TMED3: variants seen among roughly 807,000 people sequenced by gnomAD.
TMED3 encodes transmembrane emp24 domain-containing protein 3.
A neutral mutation model predicts 15.0 loss-of-function variants in TMED3; 9 were observed. The ratio of observed to expected loss-of-function variants is 0.60; its 90% CI spans 0.36 to 1.04. The LOEUF (loss-of-function observed/expected upper bound fraction) is 1.04. Ranked by LOEUF, TMED3 falls within the 50% of genes least tolerant of loss-of-function variation. TMED3 has a pLI of 0.01. For missense variants in TMED3, 267 were observed against 278.9 expected (o/e 0.96, Z 0.30); for synonymous variants, 117 against 121.4 (o/e 0.96, Z 0.24).
chr15:79,362,992 A>G (rs981373099), intron 2 of TMED3, among the ~76,000 whole-genome samples: 3 of 152,202 alleles, frequency 2.0e-5, no homozygotes, highest in Non-Finnish European at 2.9e-5. Context: ...TCCAAGTTAC[A>G]GTATGAAAAT....
chr15:79,382,975 G>A (rs1170527353), intron 2 of TMED3: 20 of 1,535,432 alleles, frequency 1.3e-5, no homozygotes, highest in Non-Finnish European at 1.7e-5. Context: ...AAGGGTCCCA[G>A]TGCTTCACCA....
intron 2 of TMED3, among the ~76,000 whole-genome samples, chr15:79,341,202 A>AAT (rs1416969821): frequency 9.2e-6 from 1 of 108,858 alleles, no homozygotes; most frequent in Admixed American, 1.1e-4. Context: ...TCTCAAAAAA[A>AAT]AAAAAAAAAA....
chr15:79,401,094 C>A (rs1893827810), intron 2 of TMED3, among the ~76,000 whole-genome samples: 1 of 152,168 alleles, frequency 6.6e-6, no homozygotes, highest in African/African-American at 2.4e-5. Context: ...GGAGTGACTA[C>A]TATGCGCCTT....
intron 2 of TMED3, among the ~76,000 whole-genome samples, chr15:79,398,486 T>G (rs1265081740): frequency 6.6e-6 from 1 of 152,114 alleles, no homozygotes; most frequent in Non-Finnish European, 1.5e-5. Context: ...TGGTGTAGTT[T>G]GACGGCCTTA....
intron 2 of TMED3, among the ~76,000 whole-genome samples, chr15:79,314,901 G>C (rs1347050965): frequency 6.6e-6 from 1 of 152,194 alleles, no homozygotes; most frequent in African/African-American, 2.4e-5. Context: ...CTAGGACCCT[G>C]AATGATTTAC....
At chr15:79,407,698 G>A (rs7163247) in intron 2 of TMED3, among the ~76,000 whole-genome samples, 52,276 of 152,124 alleles carry the variant, frequency 0.34, 10,226 homozygotes, top group Middle Eastern at 0.51. Context: ...GCTGCTTTCA[G>A]ACTAAAACAA....
At position 79,313,823 on chromosome 15, in the gene TMED3, AG is replaced by A. The variant is rs754798898; in HGVS notation, c.236del (p.Arg79LysfsTer67). ...GGACCCCCAGGGGAACACCATCTACAGAGAAACGAAGAAGCAGTACGACAGC... is the reference window on the plus strand; with the variant it reads ...GGACCCCCAGGGGAACACCATCTACAAGAAACGAAGAAGCAGTACGACAGC... ...VEDPQGNTIY[R>X]ETKKQYDSFT... On this transcript the variant is annotated frameshift_variant, in exon 2 of 3. Coordinates refer to ENST00000299705, the MANE Select transcript of TMED3 (RefSeq NM_007364.4). LOFTEE classifies it high-confidence loss of function. 146 of 1,614,124 alleles carry A rather than the reference AG, an allele frequency of 9.0e-5. No individual in the cohort carries two copies. Among genetic ancestry groups the A allele is most frequent in the Non-Finnish European group, 8.8e-5 (104 of 1,180,044 alleles).
chr15:79,321,882 A>G (rs8037898), intron 2 of TMED3, 96 bp from the exon 3 acceptor site: 256,070 of 1,414,092 alleles, frequency 0.18, 28,718 homozygotes, highest in East Asian at 0.62. Flanking sequence ...CATTCAGTGG[A>G]TATCACCTAG....
chr15:79,377,628 A>G (rs75113157), intron 2 of TMED3, among the ~76,000 whole-genome samples: 285 of 151,596 alleles, frequency 1.9e-3, no homozygotes, highest in African/African-American at 6.4e-3. Flanking sequence ...TAAAAATTGC[A>G]TATGAACAAA....
chr15:79,317,614 G>GTC (rs1171779381), intron 2 of TMED3, among the ~76,000 whole-genome samples: 2 of 151,922 alleles, frequency 1.3e-5, no homozygotes, highest in Non-Finnish European at 2.9e-5. Context: ...ATACATATGT[G>GTC]TGTGTGCCAC....
chr15:79,360,280 G>A (rs1431739948), intron 2 of TMED3, among the ~76,000 whole-genome samples: 2 of 152,142 alleles, frequency 1.3e-5, no homozygotes, highest in Non-Finnish European at 2.9e-5. Flanking sequence ...CACAGAATGT[G>A]GGATGGAATC....
chr15:79,330,309 C>G (rs986457587), intron 2 of TMED3, among the ~76,000 whole-genome samples: 1 of 152,142 alleles, frequency 6.6e-6, no homozygotes, highest in Admixed American at 6.5e-5. Context: ...CACCAGAAAA[C>G]TATTAAAATT....
downstream of TMED3, among the ~76,000 whole-genome samples, chr15:79,323,051 TG>T (rs2058774831): frequency 1.3e-5 from 2 of 152,200 alleles, no homozygotes; most frequent in African/African-American, 2.4e-5. Context: ...CACACCATGT[TG>T]TACAACGGAA....
At chr15:79,384,766 A>G (rs1893601878) in intron 2 of TMED3, 1 of 152,234 alleles carries the variant, frequency 6.6e-6, no homozygotes, top group Non-Finnish European at 1.5e-5. Flanking sequence ...TCATGCTTGT[A>G]ATCCCAGCAC....
chr15:79,317,604 A>ATGCATATGTG (rs2058746179), intron 2 of TMED3, among the ~76,000 whole-genome samples: 1 of 12,990 alleles, frequency 7.7e-5, no homozygotes, highest in African/African-American at 1.2e-4. Context: ...GTACATATGA[A>ATGCATATGTG]TACATATGTG....
intron 2 of TMED3, chr15:79,384,648 G>A (rs1332193558): frequency 6.6e-6 from 1 of 152,176 alleles, no homozygotes; most frequent in Non-Finnish European, 1.5e-5. Context: ...GTAGGAAGAA[G>A]GTAGGATATA....
intron 2 of TMED3, among the ~76,000 whole-genome samples, chr15:79,358,493 C>T (rs897037111): frequency 6.6e-6 from 1 of 152,130 alleles, no homozygotes; most frequent in Non-Finnish European, 1.5e-5. Flanking sequence ...TGACTGGTAC[C>T]TGGCTGGGAT....
At chr15:79,312,931 CA>C in intron 1 of TMED3, among the ~76,000 whole-genome samples, 1 of 152,268 alleles carries the variant, frequency 6.6e-6, no homozygotes, top group South Asian at 2.1e-4. Flanking sequence ...GGGTGGCCCC[CA>C]AATCAGATCC....
intron 2 of TMED3, among the ~76,000 whole-genome samples, chr15:79,347,294 C>T (rs189307939): frequency 1.2e-4 from 18 of 152,280 alleles, no homozygotes; most frequent in Admixed American, 7.8e-4. Flanking sequence ...ATGATTATCT[C>T]AAGAGATGCA....
Sources: allele counts gnomAD v4.1 joint callset (sites outside exome capture counted in the v4.1 genomes callset), GRCh38; gene constraint gnomAD v4.1.1; transcripts MANE v1.5; gene names NCBI Gene and HGNC (gene_info 2026-07-23, HGNC 2026-07-21).